Variants in ASXL3 observed in about 807,000 individuals in gnomAD.
The protein encoded by ASXL3 is ASXL transcriptional regulator 3.
ASXL3 carries 34 observed loss-of-function variants against 170.6 expected under a neutral mutation model. The observed-to-expected ratio is 0.20, with a 90% CI of 0.15 to 0.27. ASXL3 has a LOEUF of 0.27. Among genes scored for constraint, ASXL3 ranks in the 10% least tolerant of loss-of-function variants. ASXL3 has a pLI of 1.00. For synonymous variants in ASXL3, 1,002 were observed against 989.1 expected, an observed-to-expected ratio of 1.01 and a Z score of -0.24; for missense variants, 2,592 against 2,695.3, an observed-to-expected ratio of 0.96 and a Z score of 0.85.
chr18:33,749,629 GAAAATAATTTTTTCTTCCCC>G lies in ASXL3; in HGVS notation c.*3040_*3059del, dbSNP rs891371893. 1 of 151,898 alleles carries G rather than the reference GAAAATAATTTTTTCTTCCCC, an allele frequency of 6.6e-6. No homozygotes were observed. Among genetic ancestry groups the G allele is most frequent in the Non-Finnish European group, 1.5e-5 (1 of 67,982 alleles). 9.4% of individuals were successfully genotyped at this position (151,898 alleles called of 1,614,324 possible). A position where few individuals can be genotyped will look rare whatever the true frequency, so the allele number is the denominator to read the frequency against. On this transcript the variant is annotated 3_prime_UTR_variant, in exon 12 of 12. Coordinates refer to ENST00000269197, the MANE Select transcript of ASXL3 (RefSeq NM_030632.3). ...TGTGATGCAAATTCATTTTCAAAAT[GAAAATAATTTTTTCTTCCCC>G]AAAATGAGAATAGTAGAAATTTTGG...
chr18:33,638,510 T>TC (rs1275503886), intron 2 of ASXL3, among the ~76,000 whole-genome samples: 1 of 152,164 alleles, frequency 6.6e-6, no homozygotes, highest in African/African-American at 2.4e-5. Flanking sequence ...ATGAAGCAGG[T>TC]CACCTTATTT....
chr18:33,629,332 C>T (rs1417650027), intron 2 of ASXL3, among the ~76,000 whole-genome samples: 1 of 152,062 alleles, frequency 6.6e-6, no homozygotes, highest in Non-Finnish European at 1.5e-5. Flanking sequence ...AACATTAATT[C>T]AAGTTAAATG....
intron 11 of ASXL3, among the ~76,000 whole-genome samples, chr18:33,742,400 G>A (rs918403484): frequency 6.6e-6 from 1 of 152,174 alleles, no homozygotes; most frequent in Admixed American, 6.5e-5. Flanking sequence ...GGATCACAAA[G>A]TTCCTTTGTG....
At chr18:33,647,641 C>G (rs2065935610) in intron 4 of ASXL3, among the ~76,000 whole-genome samples, 1 of 152,050 alleles carries the variant, frequency 6.6e-6, no homozygotes, top group Non-Finnish European at 1.5e-5. Context: ...GTGTGGTACT[C>G]TTGCCTGGGT....
chr18:33,612,548 T>G (rs1216485789), intron 2 of ASXL3, among the ~76,000 whole-genome samples: 1 of 152,064 alleles, frequency 6.6e-6, no homozygotes, highest in Non-Finnish European at 1.5e-5. Flanking sequence ...TTTACCTCAT[T>G]TTGTTTAAGA....
chr18:33,639,430 T>C (rs912725086), intron 2 of ASXL3, among the ~76,000 whole-genome samples: 2 of 152,142 alleles, frequency 1.3e-5, no homozygotes, highest in African/African-American at 4.8e-5. Context: ...TCATGGCATG[T>C]GTAATTGTAG....
chr18:33,740,434 C>G lies in ASXL3; in HGVS notation c.3030C>G (p.Pro1010=). 1 of 1,568,744 alleles carries G rather than the reference C, an allele frequency of 6.4e-7. No individual in the cohort carries two copies. Among genetic ancestry groups the G allele is most frequent in the Non-Finnish European group, 8.6e-7 (1 of 1,163,692 alleles). Reference sequence around the variant, plus strand: ...CTCCCAGAGAGGAACCAAGGGTTCCCCCTCTCAAGGTATGGTATTAAATAA... The same window carrying G: ...CTCCCAGAGAGGAACCAAGGGTTCCGCCTCTCAAGGTATGGTATTAAATAA... The part of the protein sequence containing the change: ...EQPPREEPRV[P]PLKIQLSKIG... Residue 1010 remains proline, a synonymous_variant, in exon 11 of 12, where the codon CCC becomes CCG. Coordinates refer to ENST00000269197, the MANE Select transcript of ASXL3 (RefSeq NM_030632.3).
intron 2 of ASXL3, among the ~76,000 whole-genome samples, chr18:33,628,105 A>G (rs1005234094): frequency 1.3e-5 from 2 of 151,816 alleles, no homozygotes; most frequent in African/African-American, 4.8e-5. Flanking sequence ...AGCAGTTTCT[A>G]TTTTTTTTAG....
In ASXL3 at chr18:33,745,927, C is replaced by A. The variant is rs760057940; in HGVS notation, c.6079C>A (p.Pro2027Thr). 24 of 1,545,442 alleles carry A rather than the reference C, an allele frequency of 1.6e-5. No homozygotes were observed. The highest frequency in any genetic ancestry group is 2.3e-4 in the Middle Eastern group (1 of 4,408). ...PPPPPPPPPP[P>T]PLALPPPPPP... ...GCCGCCACCGCCTCCCCCTCCCCCT[C>A]CACCCTTGGCTTTGCCCCCGCCTCC... Residue 2027 changes from proline (P) to threonine (T), a missense_variant, in exon 12 of 12, where the codon CCA becomes ACA. Physicochemically the swap from Pro to Thr is conservative, Grantham distance 38 (BLOSUM62 -1). Around this residue, in one of 4 missense-constraint regions of ASXL3, gnomAD observed 2,246 missense variants for 2,219.6 expected, o/e 1.01. Transcript: ENST00000269197.
rs1194940452 is a variant in ASXL3, at chr18:33,746,747, T to A, written c.*152T>A. 7.8e-7 allele frequency: 1 copy of A among 1,289,362 alleles called. No individual in the cohort carries two copies. The highest frequency in any genetic ancestry group is 1.0e-6 in the Non-Finnish European group (1 of 975,400). The allele number at this position is 1,289,362 out of a possible 1,614,324, so 79.9% of individuals were successfully genotyped here. ...CCTCTATGGCATTATTTTCTTGCAT[T>A]TCTCATAAAGGGGAGGATGCATCCC... On this transcript the variant is annotated 3_prime_UTR_variant, in exon 12 of 12. Transcript: ENST00000269197.
intron 4 of ASXL3, among the ~76,000 whole-genome samples, chr18:33,658,311 G>T (rs776572460): frequency 2.0e-5 from 3 of 152,114 alleles, no homozygotes; most frequent in African/African-American, 4.8e-5. Context: ...TAAGAAAGCT[G>T]CAAGAATAAG....
intron 1 of ASXL3, among the ~76,000 whole-genome samples, chr18:33,603,541 T>C (rs1425624501): frequency 6.6e-6 from 1 of 151,960 alleles, no homozygotes; most frequent in African/African-American, 2.4e-5. Flanking sequence ...CTGATAGAGT[T>C]AGTTAGATAA....
At position 33,713,345 on chromosome 18, in the gene ASXL3, C is replaced by CCG. The variant is rs71159841; in HGVS notation, c.880-18622_880-18621insGC. On this transcript the variant is annotated intron_variant, in intron 8 of 11. Transcript: ENST00000269197. ...TCTTGGCTCACTGCAACCTCCACCC[C>CCG]CCCCCGGGTTCAAGTGATTCTCCTG... Among the ~76,000 whole-genome samples the CCG allele has an allele frequency of 2.6e-4, 10 of 37,970 alleles. 1 individual carries two copies. The highest frequency in any genetic ancestry group is 1.1e-3 in the African/African-American group (9 of 8,212). The allele number at this position is 37,970 out of a possible 152,430, so 24.9% of individuals were successfully genotyped here.
chr18:33,731,934 A>G, intron 8 of ASXL3, 34 bp from the exon 9 acceptor site: 2 of 1,580,624 alleles, frequency 1.3e-6, no homozygotes, highest in Non-Finnish European at 1.7e-6. Flanking sequence ...CTTATTCCTG[A>G]TGGAACCTTG....
chr18:33,680,105 A>G (rs1293453512), intron 7 of ASXL3, among the ~76,000 whole-genome samples: 1 of 151,834 alleles, frequency 6.6e-6, no homozygotes, highest in Non-Finnish European at 1.5e-5. Context: ...CCTCTAATAT[A>G]TGCAGTTTAC....
intron 2 of ASXL3, among the ~76,000 whole-genome samples, chr18:33,638,229 C>T (rs2065799332): frequency 6.6e-6 from 1 of 150,820 alleles, no homozygotes; most frequent in Admixed American, 6.7e-5. Context: ...ATCAAATACA[C>T]AAATATATAT....
intron 5 of ASXL3, among the ~76,000 whole-genome samples, chr18:33,664,502 A>G (rs2066225824): frequency 6.6e-6 from 1 of 152,198 alleles, no homozygotes; most frequent in Non-Finnish European, 1.5e-5. Context: ...TTTTATTAGA[A>G]ATATGTTGTG....
intron 1 of ASXL3, among the ~76,000 whole-genome samples, chr18:33,593,007 G>A (rs972678860): frequency 7.2e-5 from 11 of 152,148 alleles, no homozygotes; most frequent in African/African-American, 2.4e-4. Context: ...CTACTGAGGA[G>A]GAAAGTTTTT....
chr18:33,712,113 T>C (rs1394178553), intron 8 of ASXL3, among the ~76,000 whole-genome samples: 2 of 152,202 alleles, frequency 1.3e-5, no homozygotes, highest in Admixed American at 6.5e-5. Context: ...TTGTTGATGC[T>C]CCAGTTGCTA....
Sources: gnomAD v4.1 joint callset for allele counts (sites outside exome capture counted in the v4.1 genomes callset) on GRCh38, gnomAD v4.1.1 for gene constraint, gnomAD v4.1.1 regional missense constraint, MANE v1.5 for transcripts, NCBI Gene and HGNC (gene_info 2026-07-23, HGNC 2026-07-21) for gene names.